The following LRBA variants were observed in gnomAD, a reference collection of about 807,000 sequenced individuals.
LRBA encodes lipopolysaccharide-responsive and beige-like anchor protein.
Under a neutral mutation model 330.0 loss-of-function variants are expected in LRBA, and 176 were observed. The observed-to-expected ratio is 0.53, with a 90% CI of 0.47 to 0.60. The LOEUF (loss-of-function observed/expected upper bound fraction) is 0.60, where lower values mean the gene tolerates loss of function less well. Among genes scored for constraint, LRBA ranks in the 20% least tolerant of loss-of-function variants. LRBA has a pLI of 0.00. For missense variants in LRBA, 3,259 were observed against 3,444.8 expected (o/e 0.95, Z 1.35); for synonymous variants, 1,230 against 1,193.0 (o/e 1.03, Z -0.64).
rs1388157913 is a variant in LRBA, at chr4:150,583,569, G to A, written c.6330+4479C>T. 6.2e-7 allele frequency: 1 copy of A among 1,613,826 alleles called. No homozygotes were observed. The highest frequency in any genetic ancestry group is 8.5e-7 in the Non-Finnish European group (1 of 1,179,908). ...CGGCGTTCAAGTGCACCGGGATCTGGCCTCGCAGCGCGGCACAGTGGCCTA... is the reference window on the plus strand; with the variant it reads ...CGGCGTTCAAGTGCACCGGGATCTGACCTCGCAGCGCGGCACAGTGGCCTA... On this transcript the variant is annotated intron_variant, in intron 40 of 56. Coordinates refer to ENST00000651943, the MANE Select transcript of LRBA (RefSeq NM_001364905.1). This position sits in a 1 kb window ranked among gnomAD's most constrained non-coding sequence, Gnocchi z 9.8.
chr4:150,775,500 C>A (rs1823623), intron 34 of LRBA, among the ~76,000 whole-genome samples: 757 of 8,790 alleles, frequency 0.086, 28 homozygotes, highest in Middle Eastern at 0.25. Context: ...CACACACACA[C>A]ACAGTGATTG....
intron 40 of LRBA, among the ~76,000 whole-genome samples, chr4:150,519,790 G>T (rs1762732762): frequency 6.6e-6 from 1 of 152,168 alleles, no homozygotes; most frequent in African/African-American, 2.4e-5. Flanking sequence ...TTTCAAAACA[G>T]TTGCACTATT....
At chr4:150,692,257 T>C (rs1424427753) in intron 36 of LRBA, among the ~76,000 whole-genome samples, 2 of 152,142 alleles carry the variant, frequency 1.3e-5, no homozygotes, top group Non-Finnish European at 2.9e-5. Flanking sequence ...TTCACTCTAT[T>C]GTCTAGGCTG....
At chr4:150,451,458 A>G (rs1753335218) in intron 44 of LRBA, among the ~76,000 whole-genome samples, 2 of 152,350 alleles carry the variant, frequency 1.3e-5, no homozygotes, top group African/African-American at 2.4e-5. Context: ...TAAATAATCC[A>G]TGGGTCAAAA....
intron 40 of LRBA, among the ~76,000 whole-genome samples, chr4:150,534,257 T>A (rs1764374276): frequency 6.6e-6 from 1 of 150,784 alleles, no homozygotes; most frequent in African/African-American, 2.4e-5. Flanking sequence ...AATGTATACA[T>A]TATTGTTCAC....
chr4:150,980,865 A>G (rs181747619), intron 2 of LRBA, among the ~76,000 whole-genome samples: 3 of 152,292 alleles, frequency 2.0e-5, no homozygotes, highest in Admixed American at 1.3e-4. Flanking sequence ...ATGAAATGAA[A>G]AAAAGTAATC....
chr4:150,721,115 G>T, intron 36 of LRBA: 1 of 593,966 alleles, frequency 1.7e-6, no homozygotes, highest in Non-Finnish European at 3.3e-6. Flanking sequence ...TACACACATG[G>T]GGAGATACTC....
intron 34 of LRBA, among the ~76,000 whole-genome samples, chr4:150,791,124 C>A (rs530098806): frequency 8.5e-5 from 13 of 152,204 alleles, no homozygotes; most frequent in African/African-American, 2.9e-4. Flanking sequence ...TTTCATGGAA[C>A]AATTTCTTTT....
intron 44 of LRBA, among the ~76,000 whole-genome samples, chr4:150,462,499 A>T (rs981091585): frequency 3.3e-5 from 5 of 151,814 alleles, no homozygotes; most frequent in Non-Finnish European, 7.4e-5. Context: ...ACACTGCTCC[A>T]TTCAGACTTT....
At chr4:150,929,906 T>C (rs958890649) in intron 2 of LRBA, among the ~76,000 whole-genome samples, 2 of 152,152 alleles carry the variant, frequency 1.3e-5, no homozygotes, top group Non-Finnish European at 2.9e-5. Flanking sequence ...CTGTCAGAAA[T>C]AGCTACACAC....
intron 47 of LRBA, among the ~76,000 whole-genome samples, chr4:150,383,591 G>A (rs1425603536): frequency 1.3e-5 from 2 of 152,116 alleles, no homozygotes; most frequent in African/African-American, 2.4e-5. Flanking sequence ...CACTTTTTTT[G>A]AGAACATAAA....
chr4:150,977,010 C>T, intron 2 of LRBA, among the ~76,000 whole-genome samples: 1 of 152,176 alleles, frequency 6.6e-6, no homozygotes. Context: ...TGCTTGGGGC[C>T]TCTAAATAAA....
At chr4:150,308,456 C>T (rs1484703086) in intron 52 of LRBA, among the ~76,000 whole-genome samples, 2 of 152,218 alleles carry the variant, frequency 1.3e-5, no homozygotes, top group African/African-American at 4.8e-5. Flanking sequence ...ATAAATAACT[C>T]TGTTACTGGT....
At chr4:150,788,957 C>T (rs995403142) in intron 34 of LRBA, among the ~76,000 whole-genome samples, 4 of 151,430 alleles carry the variant, frequency 2.6e-5, no homozygotes, top group African/African-American at 9.7e-5. Context: ...GCCTGTAATC[C>T]CAGCTACTCG....
chr4:150,633,474 T>C (rs1314289860), intron 37 of LRBA, among the ~76,000 whole-genome samples: 2 of 152,172 alleles, frequency 1.3e-5, no homozygotes, highest in Non-Finnish European at 2.9e-5. Context: ...AATAAATCCA[T>C]CTCAATTTCA....
At chr4:150,896,303 A>C in intron 16 of LRBA, 91 bp downstream of exon 16, 1 of 661,674 alleles carries the variant, frequency 1.5e-6, no homozygotes, top group Non-Finnish European at 2.6e-6. Flanking sequence ...CAGTTACATA[A>C]TTACTGAAGA....
intron 2 of LRBA, among the ~76,000 whole-genome samples, chr4:151,012,253 G>A (rs956623842): frequency 1.8e-4 from 27 of 152,144 alleles, no homozygotes; most frequent in East Asian, 5.8e-4. Flanking sequence ...TCTAGGAAGC[G>A]TATAAGCAAA....
At chr4:150,587,582 G>A (rs1264673655) in intron 40 of LRBA, among the ~76,000 whole-genome samples, 1 of 152,158 alleles carries the variant, frequency 6.6e-6, no homozygotes, top group Non-Finnish European at 1.5e-5. Context: ...TAGGTAATGG[G>A]AAACAGAGGT....
Position 150,279,552 on chromosome 4 carries a change from C to CTGTT in LRBA, c.8317-1552_8317-1549dup, listed in dbSNP as rs560682987. Among the ~76,000 whole-genome samples, 976 of 152,324 alleles carry CTGTT rather than the reference C, an allele frequency of 6.4e-3. 5 individuals carry two copies. Among genetic ancestry groups the CTGTT allele is most frequent in the Middle Eastern group, 0.014 (4 of 294 alleles). The stretch of plus-strand genomic sequence containing the variant: ...CTAGCATAGCTGCCTTAAGTCTTCA[C>CTGTT]TGTTTGACATATCTTTTAAAAAATC... On this transcript the variant is annotated intron_variant, in intron 55 of 56. Transcript: ENST00000651943.
Sources: allele counts gnomAD v4.1 joint callset (sites outside exome capture counted in the v4.1 genomes callset), GRCh38; gene constraint gnomAD v4.1.1; non-coding constraint Gnocchi (gnomAD v3.1); transcripts MANE v1.5; gene names NCBI Gene and HGNC (gene_info 2026-07-23, HGNC 2026-07-21).